Variants in ROR1 observed in about 807,000 individuals in gnomAD.
ROR1 encodes the protein ROR family WNT receptor 1, also known as inactive tyrosine-protein kinase transmembrane receptor ROR1.
Under a neutral mutation model 78.8 loss-of-function variants are expected in ROR1, and 19 were observed. The observed-to-expected ratio is 0.24, with a 90% CI of 0.17 to 0.35. The LOEUF (loss-of-function observed/expected upper bound fraction) is 0.35, where lower values mean the gene tolerates loss of function less well. ROR1 is among the 10% of genes least tolerant of loss of function. The pLI is 1.00. For synonymous variants in ROR1, 386 were observed against 433.6 expected (o/e 0.89, Z 1.36); for missense variants, 917 against 1,177.8 (o/e 0.78, Z 3.24).
chr1:63,915,121 TGA>T (rs1645599290), intron 1 of ROR1, among the ~76,000 whole-genome samples: 1 of 152,186 alleles, frequency 6.6e-6, no homozygotes, highest in Non-Finnish European at 1.5e-5. Context: ...ATACAAAAAC[TGA>T]GTCTCTAAGA....
chr1:63,774,248 C>A lies in ROR1; in HGVS notation c.-170C>A. On this transcript the variant is annotated 5_prime_UTR_variant, in exon 1 of 9. Coordinates refer to ENST00000371079, the MANE Select transcript of ROR1 (RefSeq NM_005012.4). This position sits in a 1 kb window ranked among gnomAD's most constrained non-coding sequence, Gnocchi z 5.7. The stretch of plus-strand genomic sequence containing the variant: ...CGCGCTCGCGGCATCCAGAGGCGGC[C>A]AGGCGGAGGCGAGGGAGCAGGTTAG... 1 of 300,892 alleles carries A rather than the reference C, an allele frequency of 3.3e-6. No individual in the cohort carries two copies. Among genetic ancestry groups the A allele is most frequent in the Non-Finnish European group, 5.9e-6 (1 of 168,916 alleles). The allele number at this position is 300,892 out of a possible 1,614,324, so 18.6% of individuals were successfully genotyped here. A position where few individuals can be genotyped will look rare whatever the true frequency, so the allele number is the denominator to read the frequency against.
At position 64,140,196 on chromosome 1, in the gene ROR1, C is replaced by T. The variant is rs755218833; in HGVS notation, c.698C>T (p.Pro233Leu). ...AIPSLCHYAF[P>L]YCDETSSVPK... ...CCTTCCCTGTGCCACTATGCCTTCC[C>T]GTACTGCGATGAAACTTCATCCGTC... is the stretch of plus-strand genomic sequence containing the variant. Residue 233 changes from proline (P) to leucine (L), a missense_variant, in exon 6 of 9, where the codon CCG becomes CTG. Physicochemically the swap from Pro to Leu is moderately conservative, Grantham distance 98 (BLOSUM62 -3). Transcript: ENST00000371079. The T allele has an allele frequency of 3.1e-6, 5 of 1,614,024 alleles. No homozygotes were observed. The highest frequency in any genetic ancestry group is 1.1e-5 in the South Asian group (1 of 91,044).
chr1:63,972,512 G>A (rs1646127120), intron 1 of ROR1, among the ~76,000 whole-genome samples: 1 of 152,098 alleles, frequency 6.6e-6, no homozygotes, highest in Non-Finnish European at 1.5e-5. Flanking sequence ...TACATTTATT[G>A]TATCTATGAG....
At chr1:64,028,941 G>C (rs1325365242) in intron 2 of ROR1, 1 of 152,038 alleles carries the variant, frequency 6.6e-6, no homozygotes, top group Non-Finnish European at 1.5e-5. Flanking sequence ...TTGCCCAGGG[G>C]CCATGCTAAT....
intron 1 of ROR1, among the ~76,000 whole-genome samples, chr1:63,820,200 A>G (rs1644915425): frequency 6.6e-6 from 1 of 152,186 alleles, no homozygotes; most frequent in South Asian, 2.1e-4. Flanking sequence ...TGGGTGACAC[A>G]TTTGAAGCCA....
intron 4 of ROR1, among the ~76,000 whole-genome samples, chr1:64,098,235 A>G (rs1647377390): frequency 6.6e-6 from 1 of 152,044 alleles, no homozygotes; most frequent in African/African-American, 2.4e-5. Context: ...TATCACAAGT[A>G]TTTGTGCTTT....
chr1:63,858,678 C>T (rs1364017444), intron 1 of ROR1, among the ~76,000 whole-genome samples: 2 of 152,066 alleles, frequency 1.3e-5, no homozygotes, highest in Non-Finnish European at 2.9e-5. Flanking sequence ...AGGGTATTTT[C>T]TTCACTTCCC....
At chr1:63,829,380 G>A (rs1010868103) in intron 1 of ROR1, among the ~76,000 whole-genome samples, 19 of 152,194 alleles carry the variant, frequency 1.2e-4, no homozygotes, top group African/African-American at 4.1e-4. Context: ...GTGGGAATGC[G>A]GGTGATAGGG....
chr1:63,883,635 G>A (rs2100378437), intron 1 of ROR1, among the ~76,000 whole-genome samples: 1 of 152,322 alleles, frequency 6.6e-6, no homozygotes, highest in South Asian at 2.1e-4. Flanking sequence ...AGAAAACACA[G>A]GGAATCCTTT....
intron 4 of ROR1, among the ~76,000 whole-genome samples, chr1:64,109,257 A>G (rs1201000292): frequency 6.6e-6 from 1 of 152,226 alleles, no homozygotes; most frequent in East Asian, 1.9e-4. Context: ...CAAGATTGGC[A>G]TGAAAACAGC....
intron 1 of ROR1, among the ~76,000 whole-genome samples, chr1:63,793,608 A>G (rs1414526576): frequency 6.6e-6 from 1 of 152,210 alleles, no homozygotes; most frequent in East Asian, 1.9e-4. Flanking sequence ...TGAGACAGGG[A>G]CCTGGGTGCT....
At chr1:64,163,423 A>AT (rs967960511) in intron 8 of ROR1, among the ~76,000 whole-genome samples, 3 of 152,098 alleles carry the variant, frequency 2.0e-5, no homozygotes, top group African/African-American at 7.2e-5. Flanking sequence ...TCTCAAAAAA[A>AT]GAAAAAAAGA....
chr1:63,931,629 G>A (rs1211841989), intron 1 of ROR1, among the ~76,000 whole-genome samples: 2 of 152,148 alleles, frequency 1.3e-5, no homozygotes, highest in African/African-American at 4.8e-5. Flanking sequence ...TTCTGCCTGG[G>A]ACCTGCATCC....
At chr1:63,818,667 A>AGGTCTG (rs1644906915) in intron 1 of ROR1, among the ~76,000 whole-genome samples, 1 of 152,220 alleles carries the variant, frequency 6.6e-6, no homozygotes, top group Non-Finnish European at 1.5e-5. Context: ...CAAAATGGGC[A>AGGTCTG]TTTTTCCCCT....
intron 1 of ROR1, chr1:63,843,543 A>G: frequency 1.4e-6 from 1 of 739,868 alleles, no homozygotes; most frequent in Non-Finnish European, 2.4e-6. Flanking sequence ...GGTCTCCTCC[A>G]GGATGATGTT....
intron 1 of ROR1, among the ~76,000 whole-genome samples, chr1:63,946,535 A>G (rs920276768): frequency 6.6e-5 from 10 of 152,232 alleles, no homozygotes; most frequent in African/African-American, 1.9e-4. Flanking sequence ...TTCAACATAT[A>G]CTAATTGAGC....
chr1:64,035,063 A>G (rs961792963), intron 2 of ROR1, among the ~76,000 whole-genome samples: 1 of 152,144 alleles, frequency 6.6e-6, no homozygotes, highest in Non-Finnish European at 1.5e-5. Context: ...CAATATTTTC[A>G]TATGTTTTTC....
At chr1:63,970,082 T>TC (rs1646107245) in intron 1 of ROR1, among the ~76,000 whole-genome samples, 1 of 152,136 alleles carries the variant, frequency 6.6e-6, no homozygotes, top group Non-Finnish European at 1.5e-5. Flanking sequence ...TGCGTCTTCC[T>TC]CCCCCACTCC....
intron 7 of ROR1, chr1:64,143,112 T>C (rs1028385740): frequency 6.9e-6 from 7 of 1,009,028 alleles, no homozygotes; most frequent in South Asian, 4.2e-5. Context: ...GTGGGTAAAC[T>C]GTGTCCTTCG....
Sources: allele counts gnomAD v4.1 joint callset (sites outside exome capture counted in the v4.1 genomes callset), GRCh38; gene constraint gnomAD v4.1.1; non-coding constraint Gnocchi (gnomAD v3.1); transcripts MANE v1.5; gene names NCBI Gene and HGNC (gene_info 2026-07-23, HGNC 2026-07-21).